The following BSN variants were observed in gnomAD, a reference collection of about 807,000 sequenced individuals.
The protein encoded by BSN is protein bassoon.
A neutral mutation model predicts 264.8 loss-of-function variants in BSN; 57 were observed. The ratio of observed to expected loss-of-function variants is 0.22; its 90% CI spans 0.17 to 0.27. The LOEUF is 0.27. Ranked by LOEUF, BSN falls within the 10% of genes least tolerant of loss-of-function variation. The pLI is 1.00. For missense variants in BSN, 4,615 were observed against 5,232.5 expected, an observed-to-expected ratio of 0.88 and a Z score of 3.64; for synonymous variants, 2,059 against 2,137.3, an observed-to-expected ratio of 0.96 and a Z score of 1.01.
chr3:49,579,181 A>G (rs1184151006), intron 1 of BSN, among the ~76,000 whole-genome samples: 2 of 150,838 alleles, frequency 1.3e-5, no homozygotes, highest in Non-Finnish European at 3.0e-5. Context: ...AAGTGACAGA[A>G]TCTTCCTATG....
rs765679486 is a variant in BSN at position 49,653,784 on chromosome 3, C to G, written c.4228C>G (p.Pro1410Ala). Residue 1410 changes from proline (P) to alanine (A), a missense_variant, in exon 5 of 12, where the codon CCT (proline) becomes GCT (alanine). This residue lies in a region of BSN where 3,415 missense variants were observed against 3,866.4 expected (regional missense o/e 0.88). Transcript: ENST00000296452. The surrounding 1 kb of genome is among the most constrained non-coding windows in gnomAD (Gnocchi z 6.3). ...CTCCCCAGCAGGCTCCGAGCGTAGT[C>G]CTTCACCATCTTCCACAGCCCACAG... ...PASPAGSERS[P>A]SPSSTAHSYG... is the part of the protein sequence containing the mutation. The G allele has an allele frequency of 4.1e-5, 66 of 1,614,000 alleles. No individual in the cohort carries two copies. The highest frequency in any genetic ancestry group is 5.4e-5 in the Non-Finnish European group (64 of 1,180,010).
intron 1 of BSN, among the ~76,000 whole-genome samples, chr3:49,613,298 CAGAGCG>C (rs1350713913): frequency 1.2e-4 from 3 of 25,666 alleles, no homozygotes; most frequent in Non-Finnish European, 1.8e-4. Context: ...TATACACACA[CAGAGCG>C]AGAGAGAGAG....
intron 2 of BSN, among the ~76,000 whole-genome samples, chr3:49,636,406 G>A (rs2052420257): frequency 6.6e-6 from 1 of 152,132 alleles, no homozygotes; most frequent in African/African-American, 2.4e-5. Flanking sequence ...TGGGGAGGGT[G>A]CAGGGGAGTT....
chr3:49,586,635 C>T (rs1323924038), intron 1 of BSN, among the ~76,000 whole-genome samples: 1 of 152,222 alleles, frequency 6.6e-6, no homozygotes. Flanking sequence ...GACACCATAC[C>T]CTACCCCCAG....
At chr3:49,615,377 A>G (rs538420383) in intron 1 of BSN, among the ~76,000 whole-genome samples, 2 of 152,222 alleles carry the variant, frequency 1.3e-5, no homozygotes, top group South Asian at 4.1e-4. Flanking sequence ...CATGGCCACC[A>G]TGGTGCTTTG....
chr3:49,657,853 T>C lies in BSN; in HGVS notation c.8297T>C (p.Leu2766Pro). Residue 2766 changes from leucine (L) to proline (P), a missense_variant, in exon 5 of 12, where the codon CTG (leucine) becomes CCG (proline). By Grantham distance (98) the Leu-to-Pro change is moderately conservative. This residue lies in a region of BSN where 3,415 missense variants were observed against 3,866.4 expected (regional missense o/e 0.88). Coordinates refer to ENST00000296452, the MANE Select transcript of BSN (RefSeq NM_003458.4). ...GRFEKKKPDP[L>P]EIGYQAHLPP... Reference sequence around the variant, plus strand: ...TTTGAAAAAAAGAAGCCAGATCCCCTGGAGATTGGGTACCAGGCCCACCTG... The same window carrying C: ...TTTGAAAAAAAGAAGCCAGATCCCCCGGAGATTGGGTACCAGGCCCACCTG... 1 of 1,612,550 alleles carries C rather than the reference T, an allele frequency of 6.2e-7. No individual in the cohort carries two copies.
chr3:49,596,437 T>G (rs909407796), intron 1 of BSN, among the ~76,000 whole-genome samples: 1 of 152,150 alleles, frequency 6.6e-6, no homozygotes, highest in Admixed American at 6.6e-5. Flanking sequence ...GGCTATAGTT[T>G]TTTTGTATGT....
At chr3:49,643,816 T>G (rs959488506) in intron 3 of BSN, among the ~76,000 whole-genome samples, 6 of 152,172 alleles carry the variant, frequency 3.9e-5, no homozygotes, top group African/African-American at 1.2e-4. Context: ...ACAGGAAGGT[T>G]TGAGACAGAC....
chr3:49,634,041 C>G (rs1018278595), intron 2 of BSN, among the ~76,000 whole-genome samples: 1 of 151,922 alleles, frequency 6.6e-6, no homozygotes, highest in South Asian at 2.1e-4. Context: ...CCCATCTCTA[C>G]TAAAATACAA....
At chr3:49,635,016 C>A (rs750868138) in intron 2 of BSN, among the ~76,000 whole-genome samples, 1 of 151,998 alleles carries the variant, frequency 6.6e-6, no homozygotes, top group Non-Finnish European at 1.5e-5. Flanking sequence ...ATGATGACTG[C>A]GAAGAGCCAT....
rs764815404 is a variant in BSN at position 49,664,461 on chromosome 3, G to A, written c.11647G>A (p.Ala3883Thr). 3 of 1,613,586 alleles carry A rather than the reference G, an allele frequency of 1.9e-6. No individual in the cohort carries two copies. The highest frequency in any genetic ancestry group is 4.5e-5 in the East Asian group (2 of 44,878). The stretch of plus-strand genomic sequence containing the variant: ...AGCCAGGCCTGGAGGAACCCCAGGG[G>A]CTCCCGCCGGCCAGCCAGGTGCCGA... ...AGARPGGTPG[A>T]PAGQPGADGE... Residue 3883 changes from alanine to threonine, a missense_variant, in exon 9 of 12, where the codon GCT becomes ACT. Transcript: ENST00000296452.
chr3:49,605,620 A>ATATATATTAT (rs1283294677), intron 1 of BSN, among the ~76,000 whole-genome samples: 1 of 9,964 alleles, frequency 1.0e-4, no homozygotes, highest in Non-Finnish European at 1.6e-4. Context: ...ATTATATATA[A>ATATATATTAT]ATATAATATA....
At chr3:49,570,495 G>A (rs547896718) in intron 1 of BSN, among the ~76,000 whole-genome samples, 12 of 152,264 alleles carry the variant, frequency 7.9e-5, no homozygotes, top group East Asian at 3.9e-4. Context: ...GGTTTGAGCC[G>A]TGGAAACAGA....
In BSN at chr3:49,660,966, G is replaced by A. The variant is rs745465846; in HGVS notation, c.9121G>A (p.Ala3041Thr). The A allele has an allele frequency of 9.3e-6, 15 of 1,611,614 alleles. No individual in the cohort carries two copies. The Admixed American group carries it at 1.8e-4, about 20-fold the overall frequency. Residue 3041 changes from alanine (A) to threonine (T), a missense_variant, in exon 6 of 12, where the codon GCT becomes ACT. Ala to Thr is a moderately conservative substitution (Grantham distance 58). Coordinates refer to ENST00000296452, the MANE Select transcript of BSN (RefSeq NM_003458.4). The surrounding 1 kb of genome is among the most constrained non-coding windows in gnomAD (Gnocchi z 7.1). ...TGTGGACTTCCCTGCCACTGCCGCTGCTCCTGCCACCCCCTCTGGTCCCAC... is the reference window on the plus strand; with the variant it reads ...TGTGGACTTCCCTGCCACTGCCGCTACTCCTGCCACCCCCTCTGGTCCCAC... The part of the protein sequence containing the change: ...QFVDFPATAA[A>T]PATPSGPTAF...
rs112239736 is a variant in BSN at position 49,620,722 on chromosome 3, C to T, written c.225-4253C>T. On this transcript the variant is annotated intron_variant, in intron 1 of 11. Transcript: ENST00000296452. Reference sequence around the variant, plus strand: ...CTTATTCTGGGGCTGGGCTTGGTGGCTCATGCCTGTAATCCCAGCATTTTG... The same window carrying T: ...CTTATTCTGGGGCTGGGCTTGGTGGTTCATGCCTGTAATCCCAGCATTTTG... 6.6e-3 allele frequency among the ~76,000 whole-genome samples: 1,008 copies of T among 152,278 alleles called. 17 individuals are homozygous for T. The highest frequency in any genetic ancestry group is 0.023 in the African/African-American group (962 of 41,550).
At chr3:49,663,698 C>T (rs1249114304) in intron 7 of BSN, 32 bp downstream of exon 7, 7 of 1,604,542 alleles carry the variant, frequency 4.4e-6, no homozygotes, top group Non-Finnish European at 6.0e-6. Flanking sequence ...GGGTTGTAAC[C>T]AGGGAAGATG....
Position 49,653,300 on chromosome 3 carries a change from G to T in BSN, c.3744G>T (p.Thr1248=), listed in dbSNP as rs774678530. The part of the protein sequence containing the change: ...GQAAQPAAEG[T]PASLGAAVYE... The stretch of plus-strand genomic sequence containing the variant: ...CTGCTCAGCCTGCCGCAGAGGGCAC[G>T]CCAGCCAGCCTGGGAGCAGCCGTGT... The change falls in exon 5 of 12, where the codon ACG becomes ACT. Residue 1248 remains threonine (T), a synonymous_variant. Coordinates refer to ENST00000296452, the MANE Select transcript of BSN (RefSeq NM_003458.4). The surrounding 1 kb of genome is among the most constrained non-coding windows in gnomAD (Gnocchi z 6.3). 8 of 1,612,162 alleles carry T rather than the reference G, an allele frequency of 5.0e-6. No homozygotes were observed. The highest frequency in any genetic ancestry group is 1.3e-5 in the African/African-American group (1 of 74,884).
Position 49,651,418 on chromosome 3 carries a change from C to G in BSN, c.1987-125C>G. ...GGCCAGAAGGAGATAGGGTGGGTGG[C>G]GGGCCCTAAACCCTTGGGAAATGGA... On this transcript the variant is annotated intron_variant, in intron 4 of 11. Coordinates refer to ENST00000296452, the MANE Select transcript of BSN (RefSeq NM_003458.4). The surrounding 1 kb of genome is among the most constrained non-coding windows in gnomAD (Gnocchi z 5.4). 1 of 1,067,302 alleles carries G rather than the reference C, an allele frequency of 9.4e-7. No individual in the cohort carries two copies. Among genetic ancestry groups the G allele is most frequent in the Non-Finnish European group, 1.3e-6 (1 of 748,786 alleles). The allele number at this position is 1,067,302 out of a possible 1,614,324, so 66.1% of individuals were successfully genotyped here.
Position 49,670,933 on chromosome 3 carries a change from C to T in BSN, c.*3448C>T, listed in dbSNP as rs2052750116. On this transcript the variant is annotated 3_prime_UTR_variant, in exon 12 of 12. Coordinates refer to ENST00000296452, the MANE Select transcript of BSN (RefSeq NM_003458.4). ...CCTGCCCTGTTGTCCCGTCTGCTCT[C>T]CTCTTACCCACCCCCATGCTGTAAA... 1.3e-5 allele frequency: 2 copies of T among 152,238 alleles called. No individual in the cohort carries two copies. Among genetic ancestry groups the T allele is most frequent in the South Asian group, 4.1e-4 (2 of 4,836 alleles). The allele number at this position is 152,238 out of a possible 1,614,324, so 9.4% of individuals were successfully genotyped here. A position where few individuals can be genotyped will look rare whatever the true frequency, so the allele number is the denominator to read the frequency against.
Sources: allele counts gnomAD v4.1 joint callset (sites outside exome capture counted in the v4.1 genomes callset), GRCh38; gene constraint gnomAD v4.1.1; regional missense constraint gnomAD v4.1.1; non-coding constraint Gnocchi (gnomAD v3.1); transcripts MANE v1.5; gene names NCBI Gene and HGNC (gene_info 2026-07-23, HGNC 2026-07-21).